ALG13: variants seen among roughly 807,000 people sequenced by gnomAD.
ALG13 encodes the protein ALG13 UDP-N-acetylglucosaminyltransferase subunit.
In ALG13, 11 loss-of-function variants were observed where a neutral mutation model predicts 87.8. The ratio of observed to expected loss-of-function variants is 0.13; its 90% CI spans 0.08 to 0.21. The LOEUF (loss-of-function observed/expected upper bound fraction) is 0.21. Ranked by LOEUF, ALG13 falls within the 10% of genes least tolerant of loss-of-function variation. The pLI is 1.00. For synonymous variants in ALG13, 320 were observed against 306.3 expected (o/e 1.04, Z -0.47); for missense variants, 756 against 866.1 (o/e 0.87, Z 1.60).
chrX:111,744,768 A>ACCTCCT lies in ALG13; in HGVS notation c.2830_2835dup (p.Pro944_Pro945dup), dbSNP rs56717389. On this transcript the variant is annotated inframe_insertion, in exon 24 of 27. Coordinates refer to ENST00000394780, the MANE Select transcript of ALG13 (RefSeq NM_001099922.3). ...CACCACCACCACCACCACCACCACC[A>ACCTCCT]CCTCCTCCTCCTCCTCCTCCTCCTC... The ACCTCCT allele has an allele frequency of 4.2e-4, 249 of 594,036 alleles. 1 individual carries two copies. The highest frequency in any genetic ancestry group is 1.2e-3 in the Middle Eastern group (2 of 1,622). The allele number at this position is 594,036 out of a possible 1,213,427, so 49.0% of individuals were successfully genotyped here. A position where few individuals can be genotyped will look rare whatever the true frequency, so the allele number is the denominator to read the frequency against.
At chrX:111,754,540 G>A (rs932168000) in intron 25 of ALG13, among the ~76,000 whole-genome samples, 1 of 112,241 alleles carries the variant, frequency 8.9e-6, no homozygotes, top group African/African-American at 3.2e-5. Flanking sequence ...CATTGTCTCA[G>A]CCCAAAAGCT....
At chrX:111,725,578 A>G (rs1462445297) in intron 15 of ALG13, among the ~76,000 whole-genome samples, 1 of 111,304 alleles carries the variant, frequency 9.0e-6, no homozygotes, top group East Asian at 2.8e-4. Flanking sequence ...TAACAATTGC[A>G]TATTTCAAAA....
intron 3 of ALG13, among the ~76,000 whole-genome samples, chrX:111,697,907 C>T (rs1436526371): frequency 8.9e-6 from 1 of 111,967 alleles, no homozygotes; most frequent in African/African-American, 3.2e-5. Context: ...AGTAAGAGAT[C>T]CCTTGGAGCT....
chrX:111,727,620 T>C lies in ALG13; in HGVS notation c.2097T>C (p.Phe699=). The C allele has an allele frequency of 1.7e-6, 2 of 1,203,623 alleles. No individual in the cohort carries two copies. The highest frequency in any genetic ancestry group is 2.2e-6 in the Non-Finnish European group (2 of 892,204). ...ATTATTTGAACCACTTAAGTTCATT[T>C]AGACGTAGTCACCGCCAGATGAGTT... The part of the protein sequence containing the change: ...YDNFSYRSRS[F]RRSHRQMSCV... The change falls in exon 18 of 27, where the codon TTT becomes TTC. Residue 699 remains phenylalanine (F), a synonymous_variant. Coordinates refer to ENST00000394780, the MANE Select transcript of ALG13 (RefSeq NM_001099922.3).
intron 12 of ALG13, 103 bp from the exon 13 acceptor site, chrX:111,722,690 G>T (rs1174093332): frequency 1.9e-6 from 1 of 538,049 alleles, no homozygotes; most frequent in South Asian, 2.9e-5. Context: ...ACTTATAGTG[G>T]TAGCGTTGTC....
rs1569522034 is a variant in ALG13 at position 111,744,768 on chromosome X, A to ACCACCACCT, written c.2798_2799insACCACCTCC (p.Pro943_Pro945dup). 22 of 594,525 alleles carry ACCACCACCT rather than the reference A, an allele frequency of 3.7e-5. No individual in the cohort carries two copies. The African/African-American group carries it at 5.3e-4, about 14-fold the overall frequency. The allele number at this position is 594,525 out of a possible 1,213,427, so 49.0% of individuals were successfully genotyped here. ...CACCACCACCACCACCACCACCACCACCTCCTCCTCCTCCTCCTCCTCCTC... is the reference window on the plus strand; with the variant it reads ...CACCACCACCACCACCACCACCACCACCACCACCTCCTCCTCCTCCTCCTCCTCCTCCTC... On this transcript the variant is annotated inframe_insertion, in exon 24 of 27. Transcript: ENST00000394780.
intron 3 of ALG13, among the ~76,000 whole-genome samples, chrX:111,704,342 C>T (rs889665793): frequency 2.7e-5 from 3 of 111,790 alleles, no homozygotes; most frequent in South Asian, 7.4e-4. Flanking sequence ...AGTAACTCCA[C>T]TCCTAGGTAT....
intron 3 of ALG13, chrX:111,690,459 T>G (rs1935933583): frequency 3.0e-6 from 2 of 663,541 alleles, no homozygotes; most frequent in Non-Finnish European, 3.6e-6. Flanking sequence ...ATACTTATAA[T>G]TTGGGAGGAA....
chrX:111,722,480 A>G (rs1012528403), intron 12 of ALG13, among the ~76,000 whole-genome samples: 1 of 112,345 alleles, frequency 8.9e-6, no homozygotes, highest in African/African-American at 3.2e-5. Context: ...AAAAAATAAT[A>G]GGTTGATTTG....
chrX:111,717,568 T>G (rs1316634394), intron 8 of ALG13, among the ~76,000 whole-genome samples: 10 of 106,634 alleles, frequency 9.4e-5, no homozygotes, highest in Non-Finnish European at 1.9e-4. Flanking sequence ...TTTAGCAAAT[T>G]TGTAAATCAG....
At chrX:111,703,159 C>A (rs1372769375) in intron 3 of ALG13, among the ~76,000 whole-genome samples, 2 of 109,846 alleles carry the variant, frequency 1.8e-5, no homozygotes, top group African/African-American at 3.3e-5. Context: ...TACTCATGTT[C>A]TACAGTGCTA....
chrX:111,741,978 A>G (rs763349843), intron 23 of ALG13, among the ~76,000 whole-genome samples: 41 of 112,210 alleles, frequency 3.7e-4, no homozygotes, highest in African/African-American at 1.3e-3. Flanking sequence ...CAGCTGTCTG[A>G]GCTTAAATTC....
At chrX:111,736,213 A>G (rs1334350636) in intron 22 of ALG13, among the ~76,000 whole-genome samples, 1 of 111,686 alleles carries the variant, frequency 9.0e-6, no homozygotes, top group Non-Finnish European at 1.9e-5. Context: ...CTGAGGTGGG[A>G]GAATCACTTG....
chrX:111,756,713 A>G (rs747560979), intron 25 of ALG13, among the ~76,000 whole-genome samples: 1 of 112,262 alleles, frequency 8.9e-6, no homozygotes, highest in South Asian at 3.7e-4. Flanking sequence ...GATAATGCTC[A>G]GATTAGTTCA....
intron 24 of ALG13, among the ~76,000 whole-genome samples, chrX:111,749,660 T>G (rs1441630012): frequency 9.7e-6 from 1 of 103,349 alleles, no homozygotes; most frequent in Non-Finnish European, 2.0e-5. Flanking sequence ...GTTTCTCAAC[T>G]TTTTTTTTTT....
At chrX:111,688,669 T>C in intron 3 of ALG13, 1 of 751,409 alleles carries the variant, frequency 1.3e-6, no homozygotes, top group Non-Finnish European at 1.6e-6. Flanking sequence ...CCAATAGGAC[T>C]TACTATTGTT....
chrX:111,717,973 G>A, intron 9 of ALG13, 46 bp downstream of exon 9: 1 of 1,135,100 alleles, frequency 8.8e-7, no homozygotes, highest in South Asian at 1.9e-5. Flanking sequence ...CAGATGACTT[G>A]TTTTCACTCA....
At chrX:111,730,239 G>A (rs907373322) in intron 19 of ALG13, among the ~76,000 whole-genome samples, 156 bp from the exon 20 acceptor site, 2 of 112,349 alleles carry the variant, frequency 1.8e-5, no homozygotes, top group African/African-American at 6.5e-5. Flanking sequence ...CTGTTGACTA[G>A]TGTGAAAGCT....
chrX:111,703,113 T>C (rs1340863204), intron 3 of ALG13, among the ~76,000 whole-genome samples: 1 of 110,795 alleles, frequency 9.0e-6, no homozygotes, highest in Non-Finnish European at 1.9e-5. Context: ...TTCATTGTTG[T>C]GGCTGCTTCA....
Sources: allele counts gnomAD v4.1 joint callset (sites outside exome capture counted in the v4.1 genomes callset), GRCh38; gene constraint gnomAD v4.1.1; transcripts MANE v1.5; gene names NCBI Gene and HGNC (gene_info 2026-07-23, HGNC 2026-07-21).